SYT14: variants seen among roughly 807,000 people sequenced by gnomAD.
The protein encoded by SYT14 is synaptotagmin-14.
A neutral mutation model predicts 74.2 loss-of-function variants in SYT14; 32 were observed. That is an observed-to-expected ratio of 0.43 (90% CI 0.33 to 0.58). The LOEUF (loss-of-function observed/expected upper bound fraction) is 0.58. Among genes scored for constraint, SYT14 ranks in the 20% least tolerant of loss-of-function variants. The probability of loss-of-function intolerance (pLI) is 0.05; values close to 1 mark genes in which losing one functional copy is unlikely to be tolerated. For synonymous variants in SYT14, 298 were observed against 337.7 expected, an observed-to-expected ratio of 0.88 and a Z score of 1.29; for missense variants, 791 against 981.8, an observed-to-expected ratio of 0.81 and a Z score of 2.60.
chr1:209,976,331 G>A (rs2079363754), intron 2 of SYT14, among the ~76,000 whole-genome samples: 1 of 141,626 alleles, frequency 7.1e-6, no homozygotes, highest in Non-Finnish European at 1.5e-5. Flanking sequence ...GCTTTCTCTT[G>A]TGGGCATTTA....
rs1004686462 is a variant in SYT14, at chr1:209,942,365, C to A, written c.-534+4088C>A. On this transcript the variant is annotated intron_variant, in intron 1 of 9. Transcript: ENST00000637265. ...TCCAGCCTCCATGCAAATTTACCCC[C>A]CCCCCCCCGCTCTGTTGTGCAGATT... Among the ~76,000 whole-genome samples, 15 of 127,516 alleles carry A rather than the reference C, an allele frequency of 1.2e-4. 1 individual carries two copies. Among genetic ancestry groups the A allele is most frequent in the African/African-American group, 4.0e-4 (12 of 30,176 alleles). The allele number at this position is 127,516 out of a possible 152,430, so 83.7% of individuals were successfully genotyped here.
chr1:210,045,696 A>G (rs2080871942), intron 5 of SYT14, among the ~76,000 whole-genome samples: 1 of 152,204 alleles, frequency 6.6e-6, no homozygotes, highest in Admixed American at 6.5e-5. Context: ...TATATTTATC[A>G]GAAGTAAATA....
At chr1:210,120,916 A>G (rs1409272739) in intron 7 of SYT14, among the ~76,000 whole-genome samples, 1 of 152,208 alleles carries the variant, frequency 6.6e-6, no homozygotes, top group African/African-American at 2.4e-5. Context: ...GTCACAAAAT[A>G]TTCAAGAATT....
intron 7 of SYT14, among the ~76,000 whole-genome samples, chr1:210,124,431 T>A (rs2082527907): frequency 2.0e-5 from 3 of 152,036 alleles, no homozygotes; most frequent in Admixed American, 1.3e-4. Context: ...TACAAGGCAA[T>A]GTGCCAAAGC....
chr1:210,142,475 G>T lies in SYT14; in HGVS notation c.2035-13246G>T, dbSNP rs535867380. Among the ~76,000 whole-genome samples, 6 of 152,268 alleles carry T rather than the reference G, an allele frequency of 3.9e-5. No individual in the cohort carries two copies. The South Asian group carries it at 6.2e-4, about 16-fold the overall frequency. ...AGGTCCTTACTTCACCATTCTGCCT[G>T]TAAGGGTGTTTGAGTAGAGGTGTGT... On this transcript the variant is annotated intron_variant, in intron 7 of 9. Coordinates refer to ENST00000637265, the Ensembl canonical transcript of SYT14.
At chr1:210,162,219 C>T (rs2083386938) in exon 10 of SYT14, 2 of 428,824 alleles carry the variant, frequency 4.7e-6, no homozygotes, top group Non-Finnish European at 9.5e-6. Context: ...AGTTCTTCAA[C>T]GTGATGTCAT....
chr1:210,086,667 G>T (rs2081739677), intron 5 of SYT14, among the ~76,000 whole-genome samples: 1 of 152,148 alleles, frequency 6.6e-6, no homozygotes, highest in Non-Finnish European at 1.5e-5. Context: ...GCGCTCAGTG[G>T]ACTCACTGCT....
chr1:209,973,451 A>G (rs555443780), intron 2 of SYT14, among the ~76,000 whole-genome samples: 1 of 152,154 alleles, frequency 6.6e-6, no homozygotes, highest in African/African-American at 2.4e-5. Flanking sequence ...TATGAGTGAG[A>G]ATATGTGATG....
chr1:210,113,810 G>A (rs570143621), intron 7 of SYT14, among the ~76,000 whole-genome samples: 1 of 151,272 alleles, frequency 6.6e-6, no homozygotes, highest in South Asian at 2.1e-4. Flanking sequence ...GGGCAGGTGG[G>A]GATAACTAAA....
At chr1:209,966,119 C>T in intron 2 of SYT14, 1 of 345,190 alleles carries the variant, frequency 2.9e-6, no homozygotes. Flanking sequence ...ATCTGCCTGC[C>T]TCAACCTCGC....
At chr1:210,078,511 G>C (rs551101374) in intron 5 of SYT14, among the ~76,000 whole-genome samples, 24 of 152,024 alleles carry the variant, frequency 1.6e-4, no homozygotes, top group African/African-American at 5.3e-4. Flanking sequence ...TATGGTTATT[G>C]CACATACTAA....
Position 210,152,686 on chromosome 1 carries a change from C to T in SYT14, c.2035-3035C>T, listed in dbSNP as rs144146134. 6.4e-4 allele frequency among the ~76,000 whole-genome samples: 97 copies of T among 152,192 alleles called. 2 individuals carry two copies. Among genetic ancestry groups the T allele is most frequent in the Non-Finnish European group, 1.2e-3 (79 of 67,986 alleles). ...ATGAAAGAAACATTGTCTCACTAAC[C>T]CCAGAAACTCCCATCCTGCCCTTCC... On this transcript the variant is annotated intron_variant, in intron 7 of 9. Coordinates refer to ENST00000637265, the Ensembl canonical transcript of SYT14.
chr1:209,957,484 T>C (rs1429272619), intron 2 of SYT14, among the ~76,000 whole-genome samples: 1 of 152,130 alleles, frequency 6.6e-6, no homozygotes, highest in East Asian at 1.9e-4. Flanking sequence ...TGGAGTGCAA[T>C]GGCGTGATCT....
chr1:210,132,563 T>G, intron 7 of SYT14, among the ~76,000 whole-genome samples: 1 of 96,974 alleles, frequency 1.0e-5, no homozygotes, highest in Non-Finnish European at 2.4e-5. Flanking sequence ...GATGATTTTA[T>G]ATATTGTGTG....
chr1:210,015,332 G>A (rs2080161125), intron 3 of SYT14, among the ~76,000 whole-genome samples: 1 of 152,072 alleles, frequency 6.6e-6, no homozygotes. Flanking sequence ...TTGACCTTGA[G>A]GATCCCTTGA....
intron 5 of SYT14, among the ~76,000 whole-genome samples, chr1:210,032,739 C>CTGT (rs76178287): frequency 0.57 from 86,023 of 150,720 alleles, 26,668 homozygotes; most frequent in African/African-American, 0.82. Context: ...TATATCAATT[C>CTGT]TGTTTTTTTA....
intron 5 of SYT14, among the ~76,000 whole-genome samples, chr1:210,059,715 C>G (rs927329499): frequency 3.3e-5 from 5 of 151,988 alleles, no homozygotes; most frequent in African/African-American, 1.2e-4. Context: ...GGCCCGATAG[C>G]CTGATATGGC....
intron 5 of SYT14, among the ~76,000 whole-genome samples, chr1:210,090,246 C>A (rs1044818883): frequency 6.6e-6 from 1 of 152,122 alleles, no homozygotes; most frequent in Non-Finnish European, 1.5e-5. Flanking sequence ...TTCCTGCCTT[C>A]GGACTTTATT....
At chr1:210,140,387 A>G (rs2082890037) in intron 7 of SYT14, among the ~76,000 whole-genome samples, 1 of 152,048 alleles carries the variant, frequency 6.6e-6, no homozygotes, top group Non-Finnish European at 1.5e-5. Flanking sequence ...GAGCTGTAAG[A>G]GTTCTTTACA....
Sources: gnomAD v4.1 joint callset for allele counts (sites outside exome capture counted in the v4.1 genomes callset) on GRCh38, gnomAD v4.1.1 for gene constraint, MANE v1.5 for transcripts, NCBI Gene and HGNC (gene_info 2026-07-23, HGNC 2026-07-21) for gene names.